The following GDAP1L1 variants were observed in gnomAD, a reference collection of about 807,000 sequenced individuals.
GDAP1L1 encodes the protein ganglioside-induced differentiation-associated protein 1-like 1.
A neutral mutation model predicts 37.1 loss-of-function variants in GDAP1L1; 21 were observed. That is an observed-to-expected ratio of 0.57 (90% CI 0.40 to 0.81). The LOEUF (loss-of-function observed/expected upper bound fraction) is 0.81. Ranked by LOEUF, GDAP1L1 falls within the 40% of genes least tolerant of loss-of-function variation. The pLI is 0.00. For synonymous variants in GDAP1L1, 193 were observed against 209.1 expected, an observed-to-expected ratio of 0.92 and a Z score of 0.67; for missense variants, 362 against 491.6, an observed-to-expected ratio of 0.74 and a Z score of 2.49.
intron 1 of GDAP1L1, among the ~76,000 whole-genome samples, chr20:44,253,907 G>C (rs2073491578): frequency 6.6e-6 from 1 of 152,262 alleles, no homozygotes; most frequent in Non-Finnish European, 1.5e-5. Context: ...TTTCATGGGA[G>C]ACCCAGGGTA....
intron 3 of GDAP1L1, among the ~76,000 whole-genome samples, chr20:44,262,742 G>T (rs546891248): frequency 2.6e-5 from 4 of 151,652 alleles, no homozygotes; most frequent in Non-Finnish European, 4.4e-5. Context: ...TTAGAGTAAG[G>T]GTCTCACTCT....
At position 44,257,497 on chromosome 20, in the gene GDAP1L1, G is replaced by A. The variant is rs560157095; in HGVS notation, c.373+152G>A. 3.6e-4 allele frequency: 290 copies of A among 807,864 alleles called. 2 individuals carry two copies. The African/African-American group carries it at 4.5e-3, about 13-fold the overall frequency. 50.0% of individuals were successfully genotyped at this position (807,864 alleles called of 1,614,324 possible). ...AGTCTCCCCAAAAAGGAGCCACAGA[G>A]CCACAGGCAGGGTTCAGATGCCCCC... On this transcript the variant is annotated intron_variant, in intron 2 of 5. Coordinates refer to ENST00000342560, the MANE Select transcript of GDAP1L1 (RefSeq NM_024034.6).
Position 44,264,805 on chromosome 20 carries a change from C to T in GDAP1L1, c.760+246C>T, listed in dbSNP as rs1314683334. The T allele has an allele frequency of 3.5e-6, 4 of 1,150,268 alleles. No individual in the cohort carries two copies. In the African/African-American group the frequency reaches 4.8e-5, roughly 14 times the overall value. 71.3% of individuals were successfully genotyped at this position (1,150,268 alleles called of 1,614,324 possible). ...CTATAAAATGGGGATAATAGTAGGA[C>T]CTGCCTCAAAGAGCTGTTGAGACAT... On this transcript the variant is annotated intron_variant, in intron 5 of 5. Coordinates refer to ENST00000342560, the MANE Select transcript of GDAP1L1 (RefSeq NM_024034.6).
intron 5 of GDAP1L1, among the ~76,000 whole-genome samples, chr20:44,267,534 C>G (rs1435359677): frequency 6.6e-6 from 1 of 151,758 alleles, no homozygotes; most frequent in Non-Finnish European, 1.5e-5. Flanking sequence ...TCACTTGAAC[C>G]CAGGAGGCAG....
In GDAP1L1 at chr20:44,257,283, G is replaced by A. The variant is rs745583841; in HGVS notation, c.311G>A (p.Arg104His). Residue 104 changes from arginine to histidine, a missense_variant, in exon 2 of 6, where the codon CGC becomes CAC. This residue lies in a region of GDAP1L1 where 277 missense variants were observed against 337.1 expected (regional missense o/e 0.82). Transcript: ENST00000342560. ...LGEEVPVIIH[R>H]DNIISDYDQI... is the part of the protein sequence containing the mutation. ...GAGGAGGTGCCCGTCATCATCCACCGCGACAACATCATCAGTGACTATGAC... is the reference window on the plus strand; with the variant it reads ...GAGGAGGTGCCCGTCATCATCCACCACGACAACATCATCAGTGACTATGAC... The A allele has an allele frequency of 1.4e-5, 23 of 1,613,972 alleles. No individual in the cohort carries two copies. The highest frequency in any genetic ancestry group is 8.3e-5 in the Admixed American group (5 of 59,986).
At chr20:44,277,658 C>T (rs1231044280) in intron 5 of GDAP1L1, among the ~76,000 whole-genome samples, 2 of 152,152 alleles carry the variant, frequency 1.3e-5, no homozygotes, top group African/African-American at 4.8e-5. Flanking sequence ...ACTTTGGCTG[C>T]TGTGCTAAGA....
At chr20:44,270,456 C>A (rs936390362) in intron 5 of GDAP1L1, among the ~76,000 whole-genome samples, 11 of 152,184 alleles carry the variant, frequency 7.2e-5, no homozygotes, top group Non-Finnish European at 1.5e-4. Context: ...AGGCGTGAGC[C>A]ACCGCGCCCG....
intron 1 of GDAP1L1, among the ~76,000 whole-genome samples, chr20:44,254,482 C>T (rs2073502852): frequency 6.6e-6 from 1 of 152,258 alleles, no homozygotes. Flanking sequence ...GAAGCAGAGC[C>T]AGCCCTGTCT....
intron 5 of GDAP1L1, among the ~76,000 whole-genome samples, chr20:44,265,880 A>G (rs1392679070): frequency 6.6e-6 from 1 of 152,142 alleles, no homozygotes; most frequent in Admixed American, 6.5e-5. Context: ...AGCATCTCAC[A>G]ACTGATGCCA....
chr20:44,275,360 T>G (rs1259650934), intron 5 of GDAP1L1, among the ~76,000 whole-genome samples: 1 of 152,184 alleles, frequency 6.6e-6, no homozygotes, highest in Non-Finnish European at 1.5e-5. Flanking sequence ...GCTAAATGAA[T>G]GAATCCGTGA....
chr20:44,247,779 G>A (rs1316679843), intron 1 of GDAP1L1, among the ~76,000 whole-genome samples: 1 of 152,006 alleles, frequency 6.6e-6, no homozygotes, highest in Non-Finnish European at 1.5e-5. Flanking sequence ...CGGTCTGTTG[G>A]GGTGCGGGGC....
At position 44,279,683 on chromosome 20, in the gene GDAP1L1, G is replaced by C; in HGVS notation, c.*383G>C. On this transcript the variant is annotated 3_prime_UTR_variant, in exon 6 of 6. Coordinates refer to ENST00000342560, the MANE Select transcript of GDAP1L1 (RefSeq NM_024034.6). ...TTCTGGGAGGTGCTGGGGACTCAGAGGGCCTGACCCCTCACCTCCCCTTCC... is the reference window on the plus strand; with the variant it reads ...TTCTGGGAGGTGCTGGGGACTCAGACGGCCTGACCCCTCACCTCCCCTTCC... 1 of 477,396 alleles carries C rather than the reference G, an allele frequency of 2.1e-6. No homozygotes were observed. The highest frequency in any genetic ancestry group is 4.3e-6 in the Non-Finnish European group (1 of 231,328). 29.6% of individuals were successfully genotyped at this position (477,396 alleles called of 1,614,324 possible).
Position 44,257,372 on chromosome 20 carries a change from C to T in GDAP1L1, c.373+27C>T, listed in dbSNP as rs182387496. 3.1e-6 allele frequency: 5 copies of T among 1,590,692 alleles called. No individual in the cohort carries two copies. The African/African-American group carries it at 4.0e-5, about 13-fold the overall frequency. ...TACGGCTGCCTCCCCACCCAGGGGCCCACTCCATACCACAGATCCTCAGGG... is the reference window on the plus strand; with the variant it reads ...TACGGCTGCCTCCCCACCCAGGGGCTCACTCCATACCACAGATCCTCAGGG... On this transcript the variant is annotated intron_variant, in intron 2 of 5. Transcript: ENST00000342560.
At chr20:44,273,519 TAGG>T (rs1480898664) in intron 5 of GDAP1L1, among the ~76,000 whole-genome samples, 8 of 152,230 alleles carry the variant, frequency 5.3e-5, no homozygotes, top group African/African-American at 7.2e-5. Context: ...GGTTCATCAT[TAGG>T]AGAACTTTCG....
intron 1 of GDAP1L1, among the ~76,000 whole-genome samples, chr20:44,253,141 A>C (rs767176042): frequency 3.3e-5 from 5 of 151,754 alleles, no homozygotes; most frequent in Non-Finnish European, 4.4e-5. Context: ...TCCCTGCTCT[A>C]TTTTCTCTTT....
intron 1 of GDAP1L1, among the ~76,000 whole-genome samples, chr20:44,253,601 T>A (rs1307364774): frequency 6.6e-6 from 1 of 152,282 alleles, no homozygotes; most frequent in East Asian, 1.9e-4. Context: ...ACAGGGAAGT[T>A]CGTTTACCTA....
At chr20:44,266,593 G>C (rs1488584046) in intron 5 of GDAP1L1, among the ~76,000 whole-genome samples, 2 of 152,084 alleles carry the variant, frequency 1.3e-5, no homozygotes, top group East Asian at 3.9e-4. Flanking sequence ...AGAGCTGGAG[G>C]CTAGACATCT....
chr20:44,254,073 G>C (rs1050628314), intron 1 of GDAP1L1, among the ~76,000 whole-genome samples: 2 of 152,254 alleles, frequency 1.3e-5, no homozygotes, highest in African/African-American at 4.8e-5. Context: ...AAAGACAAGA[G>C]AAGGGGGCTT....
chr20:44,276,626 T>C (rs2062585555), intron 5 of GDAP1L1, among the ~76,000 whole-genome samples: 1 of 152,210 alleles, frequency 6.6e-6, no homozygotes. Context: ...TAGTTTATAG[T>C]GAATCATTTA....
Sources: gnomAD v4.1 joint callset for allele counts (sites outside exome capture counted in the v4.1 genomes callset) on GRCh38, gnomAD v4.1.1 for gene constraint, gnomAD v4.1.1 regional missense constraint, MANE v1.5 for transcripts, NCBI Gene and HGNC (gene_info 2026-07-23, HGNC 2026-07-21) for gene names.